DLGAP2: variants seen among roughly 807,000 people sequenced by gnomAD.
DLGAP2 encodes disks large-associated protein 2.
A neutral mutation model predicts 100.3 loss-of-function variants in DLGAP2; 26 were observed. The ratio of observed to expected loss-of-function variants is 0.26; its 90% CI spans 0.19 to 0.36. The LOEUF (loss-of-function observed/expected upper bound fraction) is 0.36. DLGAP2 is among the 10% of genes least tolerant of loss of function. DLGAP2 has a pLI of 1.00. For missense variants in DLGAP2, 1,858 were observed against 1,453.2 expected (o/e 1.28, Z -4.53); for synonymous variants, 886 against 630.1 (o/e 1.41, Z -6.08).
chr8:1,256,551 T>C (rs11988248), intron 2 of DLGAP2, among the ~76,000 whole-genome samples: 116 of 128,812 alleles, frequency 9.0e-4, no homozygotes, highest in African/African-American at 4.3e-3. Context: ...GCGCTGTGTG[T>C]GTGTCCTTTC....
At chr8:1,044,855 C>G (rs1052433978) in intron 2 of DLGAP2, among the ~76,000 whole-genome samples, 2 of 152,204 alleles carry the variant, frequency 1.3e-5, no homozygotes, top group Non-Finnish European at 2.9e-5. Context: ...TCCTCAGGGT[C>G]AAAACCCCAA....
chr8:1,481,480 T>C (rs1436006265), intron 3 of DLGAP2, among the ~76,000 whole-genome samples: 10 of 135,490 alleles, frequency 7.4e-5, no homozygotes, highest in Non-Finnish European at 1.1e-4. Context: ...TCTTTTTTTT[T>C]TTTTTTTTTT....
chr8:999,691 G>A (rs1470252865), intron 2 of DLGAP2, among the ~76,000 whole-genome samples: 1 of 152,092 alleles, frequency 6.6e-6, no homozygotes, highest in Non-Finnish European at 1.5e-5. Context: ...ATGTTTGCCA[G>A]GATGGTCTCA....
intron 2 of DLGAP2, among the ~76,000 whole-genome samples, chr8:1,187,918 C>T (rs1350819534): frequency 7.8e-6 from 1 of 127,510 alleles, no homozygotes; most frequent in Admixed American, 7.2e-5. Context: ...TGACATTTGC[C>T]TCACGGAATC....
intron 2 of DLGAP2, among the ~76,000 whole-genome samples, chr8:914,500 G>T (rs1310992992): frequency 6.6e-6 from 1 of 152,208 alleles, no homozygotes; most frequent in African/African-American, 2.4e-5. Context: ...TATTTCATGA[G>T]GCTTGCTTCT....
intron 4 of DLGAP2, among the ~76,000 whole-genome samples, chr8:1,540,465 T>C (rs991656743): frequency 2.0e-5 from 3 of 152,174 alleles, no homozygotes; most frequent in Admixed American, 1.3e-4. Context: ...AAAACACTTT[T>C]AAAACTCATA....
intron 3 of DLGAP2, among the ~76,000 whole-genome samples, chr8:1,494,199 C>T (rs1192112325): frequency 6.6e-6 from 1 of 152,226 alleles, no homozygotes; most frequent in Non-Finnish European, 1.5e-5. Flanking sequence ...ATCAAGAAAT[C>T]CAGTCTTTTC....
At chr8:788,144 G>A (rs939099334) in intron 1 of DLGAP2, among the ~76,000 whole-genome samples, 3 of 152,248 alleles carry the variant, frequency 2.0e-5, no homozygotes, top group Admixed American at 2.0e-4. Flanking sequence ...GTTTGGTGAT[G>A]AAGTGTGGTA....
At chr8:1,155,545 A>ATG (rs1796766569) in intron 2 of DLGAP2, among the ~76,000 whole-genome samples, 1 of 151,996 alleles carries the variant, frequency 6.6e-6, no homozygotes, top group South Asian at 2.1e-4. Flanking sequence ...AGCATATGTG[A>ATG]TGTGTGATGT....
At chr8:1,560,828 G>A (rs1802132204) in intron 5 of DLGAP2, among the ~76,000 whole-genome samples, 1 of 152,226 alleles carries the variant, frequency 6.6e-6, no homozygotes, top group African/African-American at 2.4e-5. Flanking sequence ...CTTAACTGCT[G>A]ATTTCTTGCT....
intron 3 of DLGAP2, among the ~76,000 whole-genome samples, chr8:1,287,396 TAGG>T (rs1394767960): frequency 2.3e-5 from 3 of 128,596 alleles, no homozygotes; most frequent in Admixed American, 8.1e-5. Flanking sequence ...GTGGTTTTGT[TAGG>T]AGGGGAACTA....
At chr8:1,166,254 A>G (rs1225385498) in intron 2 of DLGAP2, among the ~76,000 whole-genome samples, 3 of 152,206 alleles carry the variant, frequency 2.0e-5, no homozygotes, top group East Asian at 1.9e-4. Context: ...TTCCTGAGTC[A>G]TGGCTAATGG....
intron 2 of DLGAP2, among the ~76,000 whole-genome samples, chr8:1,182,165 C>T (rs543708651): frequency 1.3e-5 from 2 of 152,334 alleles, no homozygotes; most frequent in East Asian, 1.9e-4. Flanking sequence ...GCTGCCACTT[C>T]GTTTGCACGG....
chr8:808,905 CTT>C lies in DLGAP2; in HGVS notation c.18+71096_18+71097del, dbSNP rs539422380. Among the ~76,000 whole-genome samples the C allele has an allele frequency of 8.4e-4, 109 of 130,374 alleles. 1 individual carries two copies. The highest frequency in any genetic ancestry group is 2.0e-3 in the African/African-American group (72 of 35,576). 85.5% of individuals were successfully genotyped at this position (130,374 alleles called of 152,430 possible). On this transcript the variant is annotated intron_variant, in intron 1 of 14. Coordinates refer to ENST00000637795, the MANE Select transcript of DLGAP2 (RefSeq NM_001346810.2). ...ATTGGATGATAATTGCTGTTGCTGC[CTT>C]TTTTTTTTTTTTTTTCTGAGATGGA...
intron 12 of DLGAP2, among the ~76,000 whole-genome samples, chr8:1,683,956 A>G (rs200331956): frequency 0.096 from 400 of 4,152 alleles, 7 homozygotes; most frequent in South Asian, 0.19. Context: ...ATATGTGTGT[A>G]TATATATATA....
At chr8:1,028,081 G>T (rs1293170792) in intron 2 of DLGAP2, among the ~76,000 whole-genome samples, 12 of 131,564 alleles carry the variant, frequency 9.1e-5, no homozygotes, top group South Asian at 3.1e-4. Flanking sequence ...CCAAGCGCCC[G>T]TTATTCTCCA....
intron 2 of DLGAP2, among the ~76,000 whole-genome samples, chr8:1,088,830 A>G (rs1462429146): frequency 2.9e-5 from 2 of 68,210 alleles, no homozygotes; most frequent in African/African-American, 1.2e-4. Context: ...CCAGCAGGCT[A>G]TGCCATTCTC....
intron 3 of DLGAP2, among the ~76,000 whole-genome samples, chr8:1,316,017 T>C (rs1182202642): frequency 7.3e-6 from 1 of 137,816 alleles, no homozygotes; most frequent in South Asian, 2.5e-4. Context: ...TCTCCAACAG[T>C]GGTCTACACT....
intron 2 of DLGAP2, among the ~76,000 whole-genome samples, chr8:1,060,242 C>G (rs112961244): frequency 6.6e-6 from 1 of 150,924 alleles, no homozygotes; most frequent in Non-Finnish European, 1.5e-5. Context: ...TCTCGCAGTT[C>G]TGGAGGCCAG....
Sources: allele counts gnomAD v4.1 joint callset (sites outside exome capture counted in the v4.1 genomes callset), GRCh38; gene constraint gnomAD v4.1.1; transcripts MANE v1.5; gene names NCBI Gene and HGNC (gene_info 2026-07-23, HGNC 2026-07-21).